The following NOL6 variants were observed in gnomAD, a reference collection of about 807,000 sequenced individuals.
NOL6 encodes the protein nucleolar protein 6.
In NOL6, 33 loss-of-function variants were observed where a neutral mutation model predicts 131.7. The observed-to-expected ratio is 0.25, with a 90% CI of 0.19 to 0.33. The LOEUF (loss-of-function observed/expected upper bound fraction) is 0.33. Ranked by LOEUF, NOL6 falls within the 10% of genes least tolerant of loss-of-function variation. The pLI is 1.00. For missense variants in NOL6, 1,297 were observed against 1,494.5 expected, an observed-to-expected ratio of 0.87 and a Z score of 2.18; for synonymous variants, 580 against 605.7, an observed-to-expected ratio of 0.96 and a Z score of 0.62.
rs907288511 is a variant in NOL6, at chr9:33,466,857, T to C, written c.1950+55A>G. Reference sequence around the variant, plus strand: ...AAGCTGGCCAAGGCTGAGAGGACTCTCTCCCCGCAGATTGATTACTCTACA... The same window carrying C: ...AAGCTGGCCAAGGCTGAGAGGACTCCCTCCCCGCAGATTGATTACTCTACA... On this transcript the variant is annotated intron_variant, in intron 15 of 25. Coordinates refer to ENST00000297990, the MANE Select transcript of NOL6 (RefSeq NM_022917.5). 2.5e-6 allele frequency: 4 copies of C among 1,589,198 alleles called. No individual in the cohort carries two copies. In the African/African-American group the frequency reaches 5.4e-5, roughly 21 times the overall value.
At chr9:33,471,480 A>C (rs936425775) in intron 3 of NOL6, among the ~76,000 whole-genome samples, 4 of 152,172 alleles carry the variant, frequency 2.6e-5, no homozygotes, top group Admixed American at 1.3e-4. Flanking sequence ...TAACTGGAAC[A>C]TTCCTGCCTT....
chr9:33,466,791 C>T, intron 15 of NOL6, 82 bp from the exon 16 acceptor site: 1 of 1,586,246 alleles, frequency 6.3e-7, no homozygotes, highest in East Asian at 2.2e-5. Flanking sequence ...CAGGCTGCAG[C>T]AGAGCCAGCA....
At position 33,468,142 on chromosome 9, in the gene NOL6, G is replaced by A. The variant is rs924145163; in HGVS notation, c.1312C>T (p.Gln438Ter). Residue 438 changes from glutamine to a stop codon, truncating the protein, a stop_gained, in exon 11 of 26, where the codon CAG (glutamine) becomes TAG (stop). Coordinates refer to ENST00000297990, the MANE Select transcript of NOL6 (RefSeq NM_022917.5). LOFTEE classifies it high-confidence loss of function. ...DVTASTYHQV[Q>*]HEARLSMMLL... is the part of the protein sequence containing the mutation. ...ATCATAGACAGCCGTGCCTCATGCT[G>A]TACCTGGAGCCACAGAAGGGACCAT... 1.2e-6 allele frequency: 2 copies of A among 1,614,182 alleles called. No homozygotes were observed. Among genetic ancestry groups the A allele is most frequent in the Non-Finnish European group, 1.7e-6 (2 of 1,180,042 alleles).
chr9:33,463,148 G>A lies in NOL6; in HGVS notation c.3190-14C>T. The A allele has an allele frequency of 6.2e-7, 1 of 1,610,708 alleles. No homozygotes were observed. The highest frequency in any genetic ancestry group is 1.1e-5 in the South Asian group (1 of 90,750). On this transcript the variant is annotated splice_polypyrimidine_tract_variant and intron_variant, in intron 24 of 25. Transcript: ENST00000297990. The stretch of plus-strand genomic sequence containing the variant: ...CCCAAAGGCCTCCTAGAAAGGGACA[G>A]AACAGAGAAGATTATAGGCAGGCAT...
Position 33,472,134 on chromosome 9 carries a change from T to C in NOL6, c.262-14A>G, listed in dbSNP as rs778015443. On this transcript the variant is annotated splice_polypyrimidine_tract_variant and intron_variant, in intron 2 of 25. Transcript: ENST00000297990. ...TAGCTCCTCTACCTGTAAGAGAGGG[T>C]AGAAGACAGTCCATCAGCCTCAGGG... 107 of 1,613,330 alleles carry C rather than the reference T, an allele frequency of 6.6e-5. No individual in the cohort carries two copies. Among genetic ancestry groups the C allele is most frequent in the Non-Finnish European group, 8.6e-5 (102 of 1,179,350 alleles).
chr9:33,473,774 G>T lies in NOL6; in HGVS notation c.54+15C>A. On this transcript the variant is annotated intron_variant, in intron 1 of 25. Transcript: ENST00000297990. The stretch of plus-strand genomic sequence containing the variant: ...GCACATTGAGCCTCTGTTCCTCCCC[G>T]ATGGCTCAACCCACCTCTGGCTCTC... The T allele has an allele frequency of 1.9e-6, 3 of 1,611,718 alleles. No individual in the cohort carries two copies.
In NOL6 at chr9:33,463,398, C is replaced by T. The variant is rs755082178; in HGVS notation, c.3038G>A (p.Arg1013His). 25 of 1,613,758 alleles carry T rather than the reference C, an allele frequency of 1.5e-5. No individual in the cohort carries two copies. Among genetic ancestry groups the T allele is most frequent in the African/African-American group, 2.7e-5 (2 of 74,898 alleles). Residue 1013 changes from arginine to histidine, a missense_variant, in exon 24 of 26, where the codon CGC becomes CAC. Coordinates refer to ENST00000297990, the MANE Select transcript of NOL6 (RefSeq NM_022917.5). ...CCGCGGGATATGGCGAGGAGACAGG[C>T]GAATCAGCACGTCGTAAATGTCCAA... ...PPLDIYDVLI[R>H]LSPRHIPRHR... is the part of the protein sequence containing the mutation.
chr9:33,472,367 C>A lies in NOL6; in HGVS notation c.100G>T (p.Ala34Ser), dbSNP rs1008951415. ...GCCAATGTACGCTTCCTGGAGGATG[C>A]TTTCTTCCCCTCTTTGCCTGTGCCT... ...LEGTGKEGKK[A>S]SSRKRTLAEP... Residue 34 changes from alanine (A) to serine (S), a missense_variant, in exon 2 of 26, where the codon GCA becomes TCA. Physicochemically the swap from Ala to Ser is moderately conservative, Grantham distance 99. Coordinates refer to ENST00000297990, the MANE Select transcript of NOL6 (RefSeq NM_022917.5). 6.2e-6 allele frequency: 10 copies of A among 1,614,076 alleles called. No homozygotes were observed. Among genetic ancestry groups the A allele is most frequent in the Non-Finnish European group, 8.5e-6 (10 of 1,180,056 alleles).
rs1827436231 is a variant in NOL6, at chr9:33,472,345, A to T, written c.122T>A (p.Leu41Ter). 1.9e-6 allele frequency: 3 copies of T among 1,614,186 alleles called. No individual in the cohort carries two copies. The highest frequency in any genetic ancestry group is 2.5e-6 in the Non-Finnish European group (3 of 1,180,034). ...GKKASSRKRT[L>*]AEPPAKGLLQ... ...GAGGCCCTTCGCTGGAGGTTCAGCCAATGTACGCTTCCTGGAGGATGCTTT... is the reference window on the plus strand; with the variant it reads ...GAGGCCCTTCGCTGGAGGTTCAGCCTATGTACGCTTCCTGGAGGATGCTTT... Residue 41 changes from leucine (L) to a stop codon, truncating the protein, a stop_gained, in exon 2 of 26, where the codon TTG (leucine) becomes TAG (stop). Transcript: ENST00000297990. LOFTEE classifies it high-confidence loss of function.
intron 3 of NOL6, chr9:33,470,499 T>A: frequency 5.8e-6 from 1 of 172,886 alleles, no homozygotes; most frequent in Non-Finnish European, 1.2e-5. Flanking sequence ...GAGACCATCC[T>A]GGCTAACACG....
intron 19 of NOL6, 27 bp downstream of exon 19, chr9:33,465,707 A>C (rs1051879803): frequency 5.6e-6 from 9 of 1,602,092 alleles, no homozygotes; most frequent in Non-Finnish European, 6.0e-6. Flanking sequence ...GCCTACAGAC[A>C]GGAAGAAGCT....
intron 1 of NOL6, among the ~76,000 whole-genome samples, chr9:33,473,428 C>G (rs1827468084): frequency 6.6e-6 from 1 of 152,206 alleles, no homozygotes; most frequent in South Asian, 2.1e-4. Flanking sequence ...GGAGAGGCAC[C>G]GTATGCCCTC....
intron 19 of NOL6, 100 bp from the exon 20 acceptor site, chr9:33,465,459 T>C (rs931408252): frequency 2.3e-6 from 3 of 1,317,378 alleles, no homozygotes; most frequent in Non-Finnish European, 3.1e-6. Context: ...AGGTTACATA[T>C]GTAATCTCAT....
At chr9:33,470,427 T>A (rs1463905263) in intron 3 of NOL6, 2 of 297,056 alleles carry the variant, frequency 6.7e-6, no homozygotes, top group Non-Finnish European at 1.2e-5. Context: ...GCGTGGTGGC[T>A]CACGCCTGTA....
rs944123593 is a variant in NOL6 at position 33,462,415 on chromosome 9, C to T, written c.*249G>A. The T allele has an allele frequency of 6.5e-6, 4 of 614,186 alleles. No individual in the cohort carries two copies. The African/African-American group carries it at 7.4e-5, about 11-fold the overall frequency. The allele number at this position is 614,186 out of a possible 1,614,324, so 38.0% of individuals were successfully genotyped here. ...TCCTGGGTTCAGTTCCTTCTCTGAG[C>T]TGGCTCCCACTCCTCTTCTGGGATG... On this transcript the variant is annotated 3_prime_UTR_variant, in exon 26 of 26. Transcript: ENST00000297990.
chr9:33,469,725 GCCAAGGTGAAA>G (rs985367544), intron 4 of NOL6, 58 bp from the exon 5 acceptor site: 1 of 1,574,496 alleles, frequency 6.4e-7, no homozygotes, highest in Non-Finnish European at 8.6e-7. Context: ...GGAGCTGTGG[GCCAAGGTGAAA>G]CCAAGGTGAG....
Position 33,466,200 on chromosome 9 carries a change from G to A in NOL6, c.2235C>T (p.Gly745=), listed in dbSNP as rs1193662452. ...MTVVCHLEGS[G]QWPQDAEAVQ... ...CGGCCTCAGCGTCCTGTGGCCACTG[G>A]CCACTGCCCTCCAGGTGACAAACCA... The change falls in exon 18 of 26, where the codon GGC becomes GGT. Residue 745 remains glycine (G), a synonymous_variant. Transcript: ENST00000297990. 6.2e-7 allele frequency: 1 copy of A among 1,612,074 alleles called. No individual in the cohort carries two copies. Among genetic ancestry groups the A allele is most frequent in the Non-Finnish European group, 8.5e-7 (1 of 1,179,018 alleles).
At position 33,466,677 on chromosome 9, in the gene NOL6, C is replaced by A; in HGVS notation, c.1983G>T (p.Ala661=). 6 of 1,613,856 alleles carry A rather than the reference C, an allele frequency of 3.7e-6. No individual in the cohort carries two copies. Among genetic ancestry groups the A allele is most frequent in the Non-Finnish European group, 5.1e-6 (6 of 1,179,960 alleles). ...TGAGGTCGTCGTAGCAACGTACCGC[C>A]GCTACCAGGGCCTCCTCACCTGTGC... The part of the protein sequence containing the change: ...TSSTGEEALV[A]AVRCYDDLSR... Residue 661 remains alanine (A), a synonymous_variant, in exon 16 of 26, where the codon GCG becomes GCT. Transcript: ENST00000297990.
At position 33,463,901 on chromosome 9, in the gene NOL6, A is replaced by C; in HGVS notation, c.2924T>G (p.Val975Gly). 3 of 1,614,128 alleles carry C rather than the reference A, an allele frequency of 1.9e-6. No individual in the cohort carries two copies. Among genetic ancestry groups the C allele is most frequent in the Non-Finnish European group, 2.5e-6 (3 of 1,180,018 alleles). ...CATGGGCAGGGCTTCAGCTGCCAGG[A>C]CCACAAGCTGCTGCAGGATCTGCGG... ...PSAQILQQLV[V>G]LAAEALPMLE... The change falls in exon 23 of 26, where the codon GTC becomes GGC. Residue 975 changes from valine to glycine, a missense_variant. Physicochemically the swap from Val to Gly is moderately radical, Grantham distance 109. Coordinates refer to ENST00000297990, the MANE Select transcript of NOL6 (RefSeq NM_022917.5).
Sources: allele counts gnomAD v4.1 joint callset (sites outside exome capture counted in the v4.1 genomes callset), GRCh38; gene constraint gnomAD v4.1.1; transcripts MANE v1.5; gene names NCBI Gene and HGNC (gene_info 2026-07-23, HGNC 2026-07-21).